Variants in ETV6 observed in about 807,000 individuals in gnomAD.
ETV6 encodes ETS variant transcription factor 6, also known as transcription factor ETV6.
In ETV6, 16 loss-of-function variants were observed where a neutral mutation model predicts 51.1. That is an observed-to-expected ratio of 0.31 (90% CI 0.21 to 0.48). The LOEUF is 0.48. Ranked by LOEUF, ETV6 falls within the 20% of genes least tolerant of loss-of-function variation. The probability of loss-of-function intolerance (pLI) is 0.99; values close to 1 mark genes in which losing one functional copy is unlikely to be tolerated. For synonymous variants in ETV6, 240 were observed against 224.1 expected, an observed-to-expected ratio of 1.07 and a Z score of -0.64; for missense variants, 458 against 594.8, an observed-to-expected ratio of 0.77 and a Z score of 2.39.
intron 5 of ETV6, among the ~76,000 whole-genome samples, chr12:11,871,965 G>T (rs1419234409): frequency 6.6e-6 from 1 of 152,226 alleles, no homozygotes; most frequent in Non-Finnish European, 1.5e-5. Flanking sequence ...TGAGGTCAGT[G>T]TATTGCTGTG....
intron 1 of ETV6, among the ~76,000 whole-genome samples, chr12:11,685,981 A>G (rs1024053133): frequency 1.3e-5 from 2 of 152,230 alleles, no homozygotes; most frequent in Non-Finnish European, 2.9e-5. Context: ...TTTTCTTTTT[A>G]CAAGAAAATC....
intron 3 of ETV6, among the ~76,000 whole-genome samples, chr12:11,851,328 C>T (rs1232227920): frequency 6.6e-6 from 1 of 151,960 alleles, no homozygotes; most frequent in Admixed American, 6.6e-5. Context: ...CAGATAAAAC[C>T]CAGCAAGTGT....
intron 4 of ETV6, among the ~76,000 whole-genome samples, chr12:11,854,030 A>C (rs1289391869): frequency 6.6e-6 from 1 of 152,210 alleles, no homozygotes; most frequent in African/African-American, 2.4e-5. Context: ...ATTATCATAC[A>C]TAATGAAATA....
intron 1 of ETV6, among the ~76,000 whole-genome samples, chr12:11,692,799 C>T (rs543017735): frequency 3.3e-5 from 5 of 152,272 alleles, no homozygotes; most frequent in East Asian, 1.9e-4. Context: ...CGCCTGTAAT[C>T]GCAGCACTGG....
At chr12:11,718,238 CTG>C (rs1456599558) in intron 1 of ETV6, among the ~76,000 whole-genome samples, 3 of 152,162 alleles carry the variant, frequency 2.0e-5, no homozygotes, top group African/African-American at 7.2e-5. Flanking sequence ...CTGGGCTCCC[CTG>C]TGCTGAGCAG....
intron 1 of ETV6, among the ~76,000 whole-genome samples, chr12:11,735,670 G>A (rs1037147953): frequency 1.3e-5 from 2 of 152,052 alleles, no homozygotes; most frequent in Admixed American, 1.3e-4. Flanking sequence ...GCACAATCTC[G>A]GCTCGCCACA....
chr12:11,746,712 C>T (rs1349234728), intron 1 of ETV6, among the ~76,000 whole-genome samples: 1 of 150,482 alleles, frequency 6.6e-6, no homozygotes, highest in African/African-American at 2.5e-5. Context: ...ATTTCTTAAT[C>T]ATAGGGAGAA....
intron 2 of ETV6, among the ~76,000 whole-genome samples, chr12:11,765,651 G>T (rs1945151351): frequency 6.7e-6 from 1 of 149,660 alleles, no homozygotes; most frequent in Non-Finnish European, 1.5e-5. Flanking sequence ...TTTTTGTAAG[G>T]CTGTGGTTTG....
intron 2 of ETV6, among the ~76,000 whole-genome samples, chr12:11,803,215 T>C (rs1042891312): frequency 6.6e-6 from 1 of 152,230 alleles, no homozygotes; most frequent in Non-Finnish European, 1.5e-5. Context: ...ATCAGTGAAC[T>C]GGACATGTCT....
intron 2 of ETV6, among the ~76,000 whole-genome samples, chr12:11,804,427 C>T (rs1945797698): frequency 6.6e-6 from 1 of 152,234 alleles, no homozygotes; most frequent in Admixed American, 6.5e-5. Flanking sequence ...CCCTCATCCT[C>T]CATCACCTTG....
intron 5 of ETV6, among the ~76,000 whole-genome samples, chr12:11,870,333 C>CAT (rs1946861938): frequency 6.6e-6 from 1 of 152,166 alleles, no homozygotes; most frequent in Admixed American, 6.5e-5. Flanking sequence ...CCAGACACAG[C>CAT]ATAAAGAAGC....
chr12:11,836,983 A>G (rs1946326084), intron 2 of ETV6, among the ~76,000 whole-genome samples: 2 of 152,230 alleles, frequency 1.3e-5, no homozygotes, highest in African/African-American at 4.8e-5. Flanking sequence ...TCGCAGCGCC[A>G]TTCTTGTTCA....
chr12:11,731,030 C>G lies in ETV6; in HGVS notation c.34-21420C>G, dbSNP rs561207304. 3.3e-5 allele frequency among the ~76,000 whole-genome samples: 5 copies of G among 152,294 alleles called. No individual in the cohort carries two copies. The South Asian group carries it at 8.3e-4, about 25-fold the overall frequency. On this transcript the variant is annotated intron_variant, in intron 1 of 7. Coordinates refer to ENST00000396373, the MANE Select transcript of ETV6 (RefSeq NM_001987.5). ...CTCCAGTGTAGTTGGTGACCCAGAA[C>G]AGGTGAAAGTGAGGCTGCCTTTTGT... is the stretch of plus-strand genomic sequence containing the variant.
intron 1 of ETV6, among the ~76,000 whole-genome samples, chr12:11,718,723 G>A (rs944187794): frequency 1.3e-5 from 2 of 152,104 alleles, no homozygotes; most frequent in African/African-American, 4.8e-5. Context: ...GGGCAACAGA[G>A]TGAGACTGTG....
chr12:11,778,608 C>T (rs898407208), intron 2 of ETV6, among the ~76,000 whole-genome samples: 1 of 152,134 alleles, frequency 6.6e-6, no homozygotes, highest in African/African-American at 2.4e-5. Context: ...AGATCATTCC[C>T]AACTCTGCCT....
intron 1 of ETV6, among the ~76,000 whole-genome samples, chr12:11,747,616 C>T (rs1865931684): frequency 1.3e-5 from 2 of 152,130 alleles, no homozygotes; most frequent in South Asian, 2.1e-4. Flanking sequence ...CATCTTCTCT[C>T]AAATTCTTTA....
intron 5 of ETV6, among the ~76,000 whole-genome samples, chr12:11,871,714 G>T (rs1468411738): frequency 6.6e-6 from 1 of 152,194 alleles, no homozygotes. Context: ...GCAGAGTTAG[G>T]GGGTGAGATG....
At chr12:11,706,784 G>C (rs79715408) in intron 1 of ETV6, among the ~76,000 whole-genome samples, 3,432 of 152,330 alleles carry the variant, frequency 0.023, 62 homozygotes, top group East Asian at 0.083. Flanking sequence ...TTTTCTTTCA[G>C]ATGGGGCGTA....
At chr12:11,817,521 A>G (rs1946010722) in intron 2 of ETV6, among the ~76,000 whole-genome samples, 1 of 152,232 alleles carries the variant, frequency 6.6e-6, no homozygotes, top group South Asian at 2.1e-4. Flanking sequence ...CTCTGAACTT[A>G]TAACTCTATG....
Sources: gnomAD v4.1 joint callset for allele counts (sites outside exome capture counted in the v4.1 genomes callset) on GRCh38, gnomAD v4.1.1 for gene constraint, MANE v1.5 for transcripts, NCBI Gene and HGNC (gene_info 2026-07-23, HGNC 2026-07-21) for gene names.